The following CTNNA3 variants were observed in gnomAD, a reference collection of about 807,000 sequenced individuals.
CTNNA3 encodes the protein catenin alpha 3.
CTNNA3 carries 76 observed loss-of-function variants against 95.7 expected under a neutral mutation model. That is an observed-to-expected ratio of 0.79 (90% CI 0.66 to 0.96). The LOEUF (loss-of-function observed/expected upper bound fraction) is 0.96, where lower values mean the gene tolerates loss of function less well. Among genes scored for constraint, CTNNA3 ranks in the 40% least tolerant of loss-of-function variants. The pLI is 0.00. For missense variants in CTNNA3, 1,191 were observed against 1,089.8 expected (o/e 1.09, Z -1.31); for synonymous variants, 431 against 374.4 (o/e 1.15, Z -1.74).
At position 66,873,810 on chromosome 10, in the gene CTNNA3, A is replaced by G. The variant is rs959173525; in HGVS notation, c.1048-98286T>C. Among the ~76,000 whole-genome samples, 5 of 152,176 alleles carry G rather than the reference A, an allele frequency of 3.3e-5. No individual in the cohort carries two copies. The East Asian group carries it at 9.7e-4, about 29-fold the overall frequency. On this transcript the variant is annotated intron_variant, in intron 7 of 17. Coordinates refer to ENST00000433211, the MANE Select transcript of CTNNA3 (RefSeq NM_013266.4). ...TAAGACTTCAGGCTATTAAAAATCT[A>G]GAAGAAAACCTAGGAAATATCTTTC...
At chr10:66,753,265 CT>C (rs1839232171) in intron 9 of CTNNA3, among the ~76,000 whole-genome samples, 1 of 152,122 alleles carries the variant, frequency 6.6e-6, no homozygotes. Context: ...CACTGTTAGC[CT>C]TTGGAGGATG....
intron 5 of CTNNA3, among the ~76,000 whole-genome samples, chr10:67,249,378 C>G (rs1213578821): frequency 2.0e-5 from 3 of 152,128 alleles, no homozygotes; most frequent in African/African-American, 4.8e-5. Flanking sequence ...TCTTCAAGTT[C>G]TTAACATAAA....
chr10:66,913,148 A>G (rs1189171777), intron 7 of CTNNA3, among the ~76,000 whole-genome samples: 1 of 141,602 alleles, frequency 7.1e-6, no homozygotes, highest in Non-Finnish European at 1.5e-5. Flanking sequence ...CTGAGGCAGG[A>G]GAATGGCGTG....
At chr10:66,256,549 G>C (rs371892632) in intron 13 of CTNNA3, among the ~76,000 whole-genome samples, 1 of 151,890 alleles carries the variant, frequency 6.6e-6, no homozygotes, top group South Asian at 2.1e-4. Context: ...GAGAAACCCC[G>C]TCTCTACTAA....
chr10:66,278,546 A>T (rs1368403995), intron 13 of CTNNA3, among the ~76,000 whole-genome samples: 1 of 152,086 alleles, frequency 6.6e-6, no homozygotes, highest in East Asian at 1.9e-4. Flanking sequence ...CCTACAGAGG[A>T]CCACTGTATA....
At chr10:67,442,651 A>T (rs1846565760) in intron 5 of CTNNA3, among the ~76,000 whole-genome samples, 1 of 152,178 alleles carries the variant, frequency 6.6e-6, no homozygotes, top group South Asian at 2.1e-4. Context: ...AGCATGATAA[A>T]GGGTCAATTC....
chr10:66,427,972 G>C (rs1455714641), intron 11 of CTNNA3, among the ~76,000 whole-genome samples: 1 of 152,050 alleles, frequency 6.6e-6, no homozygotes, highest in Non-Finnish European at 1.5e-5. Context: ...TGGATAAAGA[G>C]TCAAGACCCA....
At chr10:66,116,530 A>C (rs568325660) in intron 13 of CTNNA3, among the ~76,000 whole-genome samples, 159 of 151,592 alleles carry the variant, frequency 1.0e-3, no homozygotes, top group Non-Finnish European at 1.9e-3. Flanking sequence ...CATTTAATGA[A>C]ATATGATTCA....
intron 7 of CTNNA3, among the ~76,000 whole-genome samples, chr10:67,067,700 G>A (rs747757355): frequency 3.9e-5 from 6 of 152,088 alleles, no homozygotes; most frequent in Non-Finnish European, 7.4e-5. Flanking sequence ...ATAAGAAACT[G>A]GAAAACATAG....
At chr10:66,557,653 G>A (rs1003527675) in intron 10 of CTNNA3, among the ~76,000 whole-genome samples, 8 of 152,040 alleles carry the variant, frequency 5.3e-5, no homozygotes, top group Admixed American at 2.0e-4. Flanking sequence ...ACAGGACTTC[G>A]TCATTTCTGG....
intron 13 of CTNNA3, among the ~76,000 whole-genome samples, chr10:66,250,625 T>A (rs889268215): frequency 2.0e-5 from 3 of 152,184 alleles, no homozygotes; most frequent in Non-Finnish European, 4.4e-5. Flanking sequence ...AGCATCTGGA[T>A]ACACTGCAGC....
Position 66,617,539 on chromosome 10 carries a change from C to T in CTNNA3, c.1374+4153G>A, listed in dbSNP as rs534685861. ...TTCATGCTAAAAACTCTCAATAAAT[C>T]AGGTATTGATGGGACGTATCTCAAA... On this transcript the variant is annotated intron_variant, in intron 10 of 17. Coordinates refer to ENST00000433211, the MANE Select transcript of CTNNA3 (RefSeq NM_013266.4). Among the ~76,000 whole-genome samples, 75 of 152,114 alleles carry T rather than the reference C, an allele frequency of 4.9e-4. No homozygotes were observed. In the South Asian group the frequency reaches 0.014, roughly 28 times the overall value.
chr10:66,484,560 G>A (rs923748052), intron 11 of CTNNA3, among the ~76,000 whole-genome samples: 1 of 151,972 alleles, frequency 6.6e-6, no homozygotes, highest in African/African-American at 2.4e-5. Flanking sequence ...AGAAAGATAT[G>A]CAATCAGAAA....
chr10:66,863,201 A>G (rs1045379436), intron 7 of CTNNA3, among the ~76,000 whole-genome samples: 4 of 151,608 alleles, frequency 2.6e-5, no homozygotes, highest in African/African-American at 4.9e-5. Context: ...ACACACACAC[A>G]CACACACACG....
intron 4 of CTNNA3, among the ~76,000 whole-genome samples, chr10:67,538,147 C>A: frequency 5.0e-5 from 4 of 80,294 alleles, no homozygotes; most frequent in African/African-American, 9.1e-5. Flanking sequence ...TCCTAAAAAG[C>A]TACTTAAACT....
chr10:66,777,455 T>C (rs1044057979), intron 7 of CTNNA3, among the ~76,000 whole-genome samples: 1 of 151,762 alleles, frequency 6.6e-6, no homozygotes, highest in Non-Finnish European at 1.5e-5. Context: ...TGAGCACTAA[T>C]AACATTCTGG....
At chr10:67,213,610 A>G (rs983680499) in intron 6 of CTNNA3, among the ~76,000 whole-genome samples, 1 of 151,740 alleles carries the variant, frequency 6.6e-6, no homozygotes, top group Non-Finnish European at 1.5e-5. Flanking sequence ...CCCTTTAGCT[A>G]TATCGCTCAA....
In CTNNA3 at chr10:67,147,870, T is replaced by C. The variant is rs564447662; in HGVS notation, c.1047+32447A>G. Reference sequence around the variant, plus strand: ...TATAGATTGAACATTTAGACATTATTTGCATTTCTTCAAAGCCTAGTATCT... The same window carrying C: ...TATAGATTGAACATTTAGACATTATCTGCATTTCTTCAAAGCCTAGTATCT... On this transcript the variant is annotated intron_variant, in intron 7 of 17. Coordinates refer to ENST00000433211, the MANE Select transcript of CTNNA3 (RefSeq NM_013266.4). Among the ~76,000 whole-genome samples, 14 of 152,326 alleles carry C rather than the reference T, an allele frequency of 9.2e-5. No individual in the cohort carries two copies. The East Asian group carries it at 2.3e-3, about 25-fold the overall frequency.
At chr10:66,154,567 C>T (rs1414637388) in intron 13 of CTNNA3, among the ~76,000 whole-genome samples, 1 of 151,138 alleles carries the variant, frequency 6.6e-6, no homozygotes, top group Non-Finnish European at 1.5e-5. Context: ...TTAATGGCAA[C>T]ATTTTCCCAT....
Sources: allele counts gnomAD v4.1 joint callset (sites outside exome capture counted in the v4.1 genomes callset), GRCh38; gene constraint gnomAD v4.1.1; transcripts MANE v1.5; gene names NCBI Gene and HGNC (gene_info 2026-07-23, HGNC 2026-07-21).